The following LIPI variants were observed in gnomAD, a reference collection of about 807,000 sequenced individuals.
The protein encoded by LIPI is lipase I, also known as lipase member I.
A neutral mutation model predicts 50.6 loss-of-function variants in LIPI; 59 were observed. That is an observed-to-expected ratio of 1.16 (90% CI 0.94 to 1.45). The LOEUF (loss-of-function observed/expected upper bound fraction) is 1.45. Ranked by LOEUF, LIPI falls within the 40% of genes most tolerant of loss-of-function variation. The pLI is 0.00. For missense variants in LIPI, 586 were observed against 536.3 expected (o/e 1.09, Z -0.92); for synonymous variants, 203 against 178.2 (o/e 1.14, Z -1.11).
Position 14,108,927 on chromosome 21 carries a change from GA to G in LIPI, c.*65del. On this transcript the variant is annotated 3_prime_UTR_variant, in exon 10 of 10. Transcript: ENST00000681601. ...ATTGAACAGTGCATTATAAAAGACT[GA>G]TTGCATTGTTTCATTTACAAGTCCA... is the stretch of plus-strand genomic sequence containing the variant. 6.3e-7 allele frequency: 1 copy of G among 1,590,748 alleles called. No homozygotes were observed. Among genetic ancestry groups the G allele is most frequent in the Non-Finnish European group, 8.6e-7 (1 of 1,160,842 alleles).
At chr21:14,144,845 AT>A (rs752227464) in intron 8 of LIPI, 46 bp from the exon 9 acceptor site, 4 of 1,325,212 alleles carry the variant, frequency 3.0e-6, no homozygotes, top group South Asian at 1.2e-5. Flanking sequence ...AATTTGAAAC[AT>A]AACTCAATTC....
At chr21:14,110,681 C>A (rs2016369922) in intron 9 of LIPI, among the ~76,000 whole-genome samples, 1 of 151,808 alleles carries the variant, frequency 6.6e-6, no homozygotes, top group Non-Finnish European at 1.5e-5. Flanking sequence ...CTCTCTGCTT[C>A]TATGAGATCA....
chr21:14,123,951 T>C (rs1408737355), intron 9 of LIPI, among the ~76,000 whole-genome samples: 1 of 152,188 alleles, frequency 6.6e-6, no homozygotes, highest in Non-Finnish European at 1.5e-5. Flanking sequence ...AGAGCTGTTA[T>C]GGAAATTACT....
chr21:14,181,756 A>G lies in LIPI; in HGVS notation c.643+2T>C. 6.4e-7 allele frequency: 1 copy of G among 1,557,662 alleles called. No homozygotes were observed. The highest frequency in any genetic ancestry group is 8.9e-7 in the Non-Finnish European group (1 of 1,129,116). On this transcript the variant is annotated splice_donor_variant, in intron 4 of 9. Transcript: ENST00000681601. LOFTEE classifies it high-confidence loss of function. ...ATTAGGTAATAAATCCTGATTTGTT[A>G]CCATTGGAGTCAGAATGGATGACAT...
Position 14,144,787 on chromosome 21 carries a change from T to G in LIPI, c.1131A>C (p.Pro377=). 6.4e-7 allele frequency: 1 copy of G among 1,570,706 alleles called. No homozygotes were observed. The highest frequency in any genetic ancestry group is 8.8e-7 in the Non-Finnish European group (1 of 1,142,128). Reference sequence around the variant, plus strand: ...TCTTGACTTCTTGAAGTTTATAAAATGGTTTGTTCTTTCTAGAGAGAAAAT... The same window carrying G: ...TCTTGACTTCTTGAAGTTTATAAAAGGGTTTGTTCTTTCTAGAGAGAAAAT... ...EEPRLYEKNK[P]FYKLQEVKIL... is the part of the protein sequence containing the mutation. The change falls in exon 9 of 10, where the codon CCA becomes CCC. Residue 377 remains proline, a synonymous_variant. Coordinates refer to ENST00000681601, the MANE Select transcript of LIPI (RefSeq NM_001302998.2).
At position 14,166,238 on chromosome 21, in the gene LIPI, C is replaced by A; in HGVS notation, c.733+124G>T. On this transcript the variant is annotated intron_variant, in intron 5 of 9. Transcript: ENST00000681601. ...TAAACCATTGTTAACCAATGACTCT[C>A]CTGAGTCATGGGCAATGATGATGAA... The A allele has an allele frequency of 4.2e-6, 3 of 719,850 alleles. No individual in the cohort carries two copies. In the East Asian group the frequency reaches 7.7e-5, roughly 18 times the overall value. 44.6% of individuals were successfully genotyped at this position (719,850 alleles called of 1,614,324 possible).
chr21:14,175,397 A>G (rs557007344), intron 4 of LIPI, among the ~76,000 whole-genome samples: 2 of 152,278 alleles, frequency 1.3e-5, no homozygotes, highest in African/African-American at 2.4e-5. Context: ...TTCAGAATGT[A>G]TCCTTCATAA....
chr21:14,135,443 C>T (rs770816477), intron 9 of LIPI, among the ~76,000 whole-genome samples: 23 of 152,192 alleles, frequency 1.5e-4, no homozygotes, highest in Non-Finnish European at 3.2e-4. Context: ...TGACACCACT[C>T]CTCCCCCATC....
chr21:14,124,384 AGT>A (rs1286333460), intron 9 of LIPI, among the ~76,000 whole-genome samples: 2 of 152,140 alleles, frequency 1.3e-5, no homozygotes, highest in Non-Finnish European at 2.9e-5. Flanking sequence ...TCAAAAGCTA[AGT>A]GTAGTGTAGC....
Position 14,189,049 on chromosome 21 carries a change from G to A in LIPI, c.417C>T (p.His139=), listed in dbSNP as rs1161653304. ...CCAGACTTACCAAAAGATTTTTAAT[G>A]TGCACACTCAAACTCACAGCAACTT... ...TRKVAVSLSV[H]IKNLLKHGAS... The change falls in exon 2 of 10, where the codon CAC becomes CAT. Residue 139 remains histidine (H), a synonymous_variant. Coordinates refer to ENST00000681601, the MANE Select transcript of LIPI (RefSeq NM_001302998.2). 1 of 1,605,564 alleles carries A rather than the reference G, an allele frequency of 6.2e-7. No homozygotes were observed. The highest frequency in any genetic ancestry group is 2.2e-5 in the East Asian group (1 of 44,862).
chr21:14,206,664 A>G (rs2020233837), intron 1 of LIPI: 4 of 575,254 alleles, frequency 7.0e-6, no homozygotes, highest in East Asian at 3.1e-5. Context: ...TCATTTCTGG[A>G]AAAAAAACGG....
chr21:14,136,030 C>A (rs1385719381), intron 9 of LIPI, among the ~76,000 whole-genome samples: 1 of 152,196 alleles, frequency 6.6e-6, no homozygotes, highest in African/African-American at 2.4e-5. Flanking sequence ...CTGTTCCAGG[C>A]TCTAGCTCCT....
At chr21:14,173,723 T>A (rs1460527884) in intron 4 of LIPI, among the ~76,000 whole-genome samples, 1 of 151,832 alleles carries the variant, frequency 6.6e-6, no homozygotes, top group Non-Finnish European at 1.5e-5. Context: ...GAACCTCTAA[T>A]GAGTTGTTAG....
At chr21:14,163,304 G>A in intron 7 of LIPI, 115 bp downstream of exon 7, 1 of 618,076 alleles carries the variant, frequency 1.6e-6, no homozygotes, top group Admixed American at 2.7e-5. Flanking sequence ...TTTTAAATTT[G>A]CCTGAAAGAA....
chr21:14,206,930 G>A, intron 1 of LIPI: 3 of 1,555,206 alleles, frequency 1.9e-6, no homozygotes, highest in Non-Finnish European at 2.7e-6. Context: ...ACATAAATAA[G>A]ACCCTATCAG....
At chr21:14,178,962 A>G (rs1423623216) in intron 4 of LIPI, among the ~76,000 whole-genome samples, 2 of 152,210 alleles carry the variant, frequency 1.3e-5, no homozygotes, top group Admixed American at 6.6e-5. Flanking sequence ...GAGGCAACTC[A>G]GATAACGAGA....
At chr21:14,161,236 T>A (rs998372958) in intron 7 of LIPI, among the ~76,000 whole-genome samples, 12 of 150,086 alleles carry the variant, frequency 8.0e-5, no homozygotes, top group Non-Finnish European at 8.9e-5. Flanking sequence ...CAACAGGTGA[T>A]TGGTTAAACA....
chr21:14,182,666 G>T (rs1054586540), intron 3 of LIPI, among the ~76,000 whole-genome samples: 8 of 151,688 alleles, frequency 5.3e-5, no homozygotes, highest in South Asian at 2.1e-4. Context: ...GGGATGTGAA[G>T]GACCTCTTCA....
chr21:14,183,636 A>G (rs2123253962), intron 3 of LIPI, among the ~76,000 whole-genome samples: 1 of 152,292 alleles, frequency 6.6e-6, no homozygotes, highest in African/African-American at 2.4e-5. Flanking sequence ...CAAGAAAAAA[A>G]CGAACAACCC....
Sources: gnomAD v4.1 joint callset for allele counts (sites outside exome capture counted in the v4.1 genomes callset) on GRCh38, gnomAD v4.1.1 for gene constraint, MANE v1.5 for transcripts, NCBI Gene and HGNC (gene_info 2026-07-23, HGNC 2026-07-21) for gene names.